AFAP1: variants seen among roughly 807,000 people sequenced by gnomAD.
The protein encoded by AFAP1 is actin filament-associated protein 1.
A neutral mutation model predicts 93.9 loss-of-function variants in AFAP1; 75 were observed. The observed-to-expected ratio is 0.80, with a 90% CI of 0.66 to 0.97. The LOEUF (loss-of-function observed/expected upper bound fraction) is 0.97. Among genes scored for constraint, AFAP1 ranks in the 50% least tolerant of loss-of-function variants. The pLI, the probability that AFAP1 is intolerant of heterozygous loss-of-function variation, is 0.00. For synonymous variants in AFAP1, 517 were observed against 430.7 expected (o/e 1.20, Z -2.48); for missense variants, 1,201 against 1,050.8 (o/e 1.14, Z -1.98).
chr4:7,833,066 G>A (rs1370279742), intron 6 of AFAP1, among the ~76,000 whole-genome samples: 1 of 152,112 alleles, frequency 6.6e-6, no homozygotes, highest in Non-Finnish European at 1.5e-5. Flanking sequence ...GATAACATCA[G>A]AAAAACCCTT....
At chr4:7,770,545 G>T (rs945433795) in intron 16 of AFAP1, among the ~76,000 whole-genome samples, 1 of 152,142 alleles carries the variant, frequency 6.6e-6, no homozygotes, top group Non-Finnish European at 1.5e-5. Flanking sequence ...CAGGGCAAGG[G>T]GACAGTCACC....
At chr4:7,926,304 C>G (rs1307496568) in intron 1 of AFAP1, among the ~76,000 whole-genome samples, 1 of 152,156 alleles carries the variant, frequency 6.6e-6, no homozygotes, top group East Asian at 1.9e-4. Flanking sequence ...CTCTTAAGCC[C>G]TCTTCAGCAT....
In AFAP1 at chr4:7,930,370, CCGG is replaced by C. The variant is rs1388700973; in HGVS notation, c.-3+9283_-3+9285del. ...ATAGACATGATTAAGTCATTGGCCA[CCGG>C]TGGCTAGCTCAATCTCTCATTGGCC... On this transcript the variant is annotated intron_variant, in intron 1 of 17. Transcript: ENST00000420658. 2.3e-3 allele frequency among the ~76,000 whole-genome samples: 6 copies of C among 2,604 alleles called. No individual in the cohort carries two copies. The East Asian group carries it at 0.049, about 21-fold the overall frequency. 1.7% of individuals were successfully genotyped at this position (2,604 alleles called of 152,430 possible). A position where few individuals can be genotyped will look rare whatever the true frequency, so the allele number is the denominator to read the frequency against.
At chr4:7,901,424 G>T (rs2385910) in intron 1 of AFAP1, among the ~76,000 whole-genome samples, 3 of 152,040 alleles carry the variant, frequency 2.0e-5, no homozygotes, top group African/African-American at 7.2e-5. Context: ...GGCTCTCACT[G>T]TGCGGAATTA....
chr4:7,860,263 T>C (rs546413030), intron 3 of AFAP1, among the ~76,000 whole-genome samples: 89 of 151,970 alleles, frequency 5.9e-4, no homozygotes, highest in African/African-American at 2.1e-3. Context: ...CTGATTTTGA[T>C]TTTGTGTGTG....
chr4:7,856,824 C>T (rs930602374), intron 3 of AFAP1, among the ~76,000 whole-genome samples: 2 of 152,200 alleles, frequency 1.3e-5, no homozygotes, highest in African/African-American at 4.8e-5. Context: ...CCAGCATTCG[C>T]CCAGCATCTG....
chr4:7,886,277 G>C (rs1319571402), intron 1 of AFAP1, among the ~76,000 whole-genome samples: 1 of 152,196 alleles, frequency 6.6e-6, no homozygotes, highest in African/African-American at 2.4e-5. Flanking sequence ...AACGTCTAAG[G>C]ACTGCTGTAA....
At chr4:7,930,294 C>G (rs1295640061) in intron 1 of AFAP1, among the ~76,000 whole-genome samples, 1 of 152,218 alleles carries the variant, frequency 6.6e-6, no homozygotes, top group Admixed American at 6.5e-5. Flanking sequence ...TTCGCCAAAC[C>G]AGAAGCTCTC....
At chr4:7,909,562 T>C (rs1373440917) in intron 1 of AFAP1, among the ~76,000 whole-genome samples, 2 of 152,206 alleles carry the variant, frequency 1.3e-5, no homozygotes, top group Admixed American at 6.5e-5. Context: ...GCAAATATAC[T>C]TCACGGCAGG....
chr4:7,865,072 G>A (rs1716248886), intron 3 of AFAP1, among the ~76,000 whole-genome samples: 1 of 152,074 alleles, frequency 6.6e-6, no homozygotes, highest in Admixed American at 6.5e-5. Flanking sequence ...TAAAATTCTA[G>A]GAATTCTAAA....
At chr4:7,880,480 A>G (rs1197740938) in intron 1 of AFAP1, among the ~76,000 whole-genome samples, 1 of 151,976 alleles carries the variant, frequency 6.6e-6, no homozygotes, top group African/African-American at 2.4e-5. Flanking sequence ...GGGTTTCACC[A>G]TGTTGGTCAG....
chr4:7,797,618 G>A (rs1018082547), intron 10 of AFAP1, among the ~76,000 whole-genome samples: 17 of 152,192 alleles, frequency 1.1e-4, no homozygotes, highest in Non-Finnish European at 1.6e-4. Flanking sequence ...CTAAAGAGAC[G>A]CGGCAGCGGA....
chr4:7,863,449 G>A (rs747421299), intron 3 of AFAP1, among the ~76,000 whole-genome samples: 19 of 151,994 alleles, frequency 1.3e-4, no homozygotes, highest in Non-Finnish European at 2.6e-4. Context: ...AAGAAAGAAG[G>A]AAAGAAAATA....
chr4:7,929,924 G>A (rs976374558), intron 1 of AFAP1, among the ~76,000 whole-genome samples: 1 of 152,202 alleles, frequency 6.6e-6, no homozygotes, highest in Non-Finnish European at 1.5e-5. Context: ...CTTGGTGTCA[G>A]GACCTAGACA....
intron 12 of AFAP1, among the ~76,000 whole-genome samples, chr4:7,785,320 G>A (rs1463738047): frequency 6.6e-6 from 1 of 152,172 alleles, no homozygotes; most frequent in Non-Finnish European, 1.5e-5. Flanking sequence ...CCCGAGGCCA[G>A]CGTAACAGGG....
intron 1 of AFAP1, among the ~76,000 whole-genome samples, chr4:7,880,699 C>T (rs73073924): frequency 0.077 from 11,731 of 152,292 alleles, 1,095 homozygotes; most frequent in East Asian, 0.5. Flanking sequence ...CCAGTCAAAG[C>T]GTTCCTTGCT....
chr4:7,821,021 G>C (rs1389776061), intron 6 of AFAP1, among the ~76,000 whole-genome samples: 1 of 152,194 alleles, frequency 6.6e-6, no homozygotes, highest in Non-Finnish European at 1.5e-5. Flanking sequence ...AGGAGGCTGA[G>C]GCAGAAGAAT....
chr4:7,939,368 CG>C lies in AFAP1; in HGVS notation c.-3+287del, dbSNP rs1159973879. On this transcript the variant is annotated intron_variant, in intron 1 of 17. Transcript: ENST00000420658. The surrounding 1 kb of genome is among the most constrained non-coding windows in gnomAD (Gnocchi z 5.6). ...ACGCACACGGGGACCAGCCACGCCG[CG>C]GGGGCACCGGGCAGGAGCCAGCGCC... The C allele has an allele frequency of 6.2e-6, 2 of 321,642 alleles. No homozygotes were observed. Among genetic ancestry groups the C allele is most frequent in the East Asian group, 1.5e-4 (1 of 6,802 alleles). 19.9% of individuals were successfully genotyped at this position (321,642 alleles called of 1,614,324 possible).
At chr4:7,830,981 G>A (rs547717555) in intron 6 of AFAP1, among the ~76,000 whole-genome samples, 121 of 152,182 alleles carry the variant, frequency 8.0e-4, no homozygotes, top group African/African-American at 2.7e-3. Flanking sequence ...ACTTAAATAG[G>A]GGAGGCATGT....
Sources: allele counts gnomAD v4.1 joint callset (sites outside exome capture counted in the v4.1 genomes callset), GRCh38; gene constraint gnomAD v4.1.1; non-coding constraint Gnocchi (gnomAD v3.1); transcripts MANE v1.5; gene names NCBI Gene and HGNC (gene_info 2026-07-23, HGNC 2026-07-21).